The following SLC25A48 variants were observed in gnomAD, a reference collection of about 807,000 sequenced individuals.
SLC25A48 encodes CTC-321K16.1.
SLC25A48 carries 29 observed loss-of-function variants against 32.2 expected under a neutral mutation model. The ratio of observed to expected loss-of-function variants is 0.90; its 90% CI spans 0.67 to 1.23. The LOEUF (loss-of-function observed/expected upper bound fraction) is 1.23, where lower values mean the gene tolerates loss of function less well. Ranked by LOEUF, SLC25A48 falls within the 50% of genes most tolerant of loss-of-function variation. The pLI, the probability that SLC25A48 is intolerant of heterozygous loss-of-function variation, is 0.00. For missense variants in SLC25A48, 399 were observed against 422.7 expected (o/e 0.94, Z 0.49); for synonymous variants, 164 against 172.3 (o/e 0.95, Z 0.38).
chr5:135,866,444 T>G (rs1761209617), intron 4 of SLC25A48, among the ~76,000 whole-genome samples: 1 of 152,256 alleles, frequency 6.6e-6, no homozygotes, highest in Admixed American at 6.5e-5. Flanking sequence ...TTTCTGTGGC[T>G]GGGTCCCTGG....
intron 3 of SLC25A48, among the ~76,000 whole-genome samples, chr5:135,692,756 G>A (rs1754176539): frequency 6.6e-6 from 1 of 152,146 alleles, no homozygotes; most frequent in Non-Finnish European, 1.5e-5. Flanking sequence ...AGCCATCCAT[G>A]GTGATGCTGT....
intron 3 of SLC25A48, 47 bp downstream of exon 3, chr5:135,850,543 C>T (rs750075024): frequency 5.0e-6 from 8 of 1,593,140 alleles, no homozygotes; most frequent in East Asian, 2.2e-5. Flanking sequence ...TGGGCCCCCA[C>T]AGGCTGGGGA....
At chr5:135,808,116 A>G (rs1162380254) in intron 3 of SLC25A48, among the ~76,000 whole-genome samples, 1 of 151,042 alleles carries the variant, frequency 6.6e-6, no homozygotes, top group Non-Finnish European at 1.5e-5. Flanking sequence ...TTAATATCAC[A>G]GTGTGTTAAA....
intron 3 of SLC25A48, among the ~76,000 whole-genome samples, chr5:135,799,142 C>T (rs1757259132): frequency 6.6e-6 from 1 of 151,714 alleles, no homozygotes; most frequent in African/African-American, 2.4e-5. Flanking sequence ...CTCCCAATAT[C>T]GCAGGGGATG....
chr5:135,884,675 T>C (rs778695157), intron 7 of SLC25A48, among the ~76,000 whole-genome samples: 1 of 152,148 alleles, frequency 6.6e-6, no homozygotes, highest in Non-Finnish European at 1.5e-5. Flanking sequence ...ACCTGGTTCA[T>C]CCCTGGGTAG....
intron 2 of SLC25A48, among the ~76,000 whole-genome samples, chr5:135,630,865 G>A (rs1752549245): frequency 6.6e-6 from 1 of 152,036 alleles, no homozygotes; most frequent in South Asian, 2.1e-4. Context: ...GCCTCCCAAA[G>A]GGCTGGGATT....
intron 1 of SLC25A48, among the ~76,000 whole-genome samples, chr5:135,590,073 A>G (rs542988977): frequency 9.2e-5 from 14 of 152,286 alleles, no homozygotes; most frequent in Non-Finnish European, 1.8e-4. Context: ...TTTTGGAGGC[A>G]GAGAAAAGCA....
intron 3 of SLC25A48, among the ~76,000 whole-genome samples, chr5:135,674,301 G>A (rs1753721171): frequency 6.6e-6 from 1 of 151,804 alleles, no homozygotes; most frequent in Non-Finnish European, 1.5e-5. Context: ...CTCTCTTCTA[G>A]CTATTTTGAA....
rs4401569 is a variant in SLC25A48 at position 135,626,727 on chromosome 5, A to G, written c.-848-2510A>G. Among the ~76,000 whole-genome samples the G allele has an allele frequency of 6.0e-3, 912 of 152,270 alleles. 9 individuals are homozygous for G. Among genetic ancestry groups the G allele is most frequent in the African/African-American group, 0.021 (860 of 41,538 alleles). On this transcript the variant is annotated intron_variant, in intron 1 of 10. Transcript: ENST00000646290. ...CAAGTTCTGAAAGTTCAGGTCGACT[A>G]TATCATCCTGAGAGAGCTGGCTTTA...
chr5:135,683,771 G>T (rs1390934769), intron 3 of SLC25A48, among the ~76,000 whole-genome samples: 1 of 152,126 alleles, frequency 6.6e-6, no homozygotes, highest in African/African-American at 2.4e-5. Flanking sequence ...AGCACTTGAG[G>T]TTCCCGGACT....
Position 135,834,702 on chromosome 5 carries a change from C to A in SLC25A48, c.-146C>A. ...GCGCGGCAGCCCGCGCAGCCGGTGA[C>A]TGGGGGACTGGGTTTGGAGTAGGAC... On this transcript the variant is annotated 5_prime_UTR_variant, in exon 1 of 8. The change creates a new upstream start codon in the 5' untranslated region. Coordinates refer to ENST00000681962, the MANE Select transcript of SLC25A48 (RefSeq NM_001349336.2). The A allele has an allele frequency of 2.3e-6, 2 of 868,832 alleles. No individual in the cohort carries two copies. The highest frequency in any genetic ancestry group is 3.5e-6 in the Non-Finnish European group (2 of 579,612). 53.8% of individuals were successfully genotyped at this position (868,832 alleles called of 1,614,324 possible).
intron 2 of SLC25A48, among the ~76,000 whole-genome samples, 175 bp downstream of exon 2, chr5:135,842,634 C>T (rs918127822): frequency 6.6e-6 from 1 of 152,158 alleles, no homozygotes; most frequent in Admixed American, 6.5e-5. Flanking sequence ...TCAGAACCCT[C>T]AGAGGTCCAG....
chr5:135,705,082 C>A (rs1391216039), intron 3 of SLC25A48, among the ~76,000 whole-genome samples: 2 of 152,196 alleles, frequency 1.3e-5, no homozygotes, highest in African/African-American at 4.8e-5. Flanking sequence ...TCTCTTGGGT[C>A]CTGACTCTTG....
At chr5:135,819,208 AT>A (rs1430597815) in intron 4 of SLC25A48, among the ~76,000 whole-genome samples, 2 of 152,190 alleles carry the variant, frequency 1.3e-5, no homozygotes, top group African/African-American at 4.8e-5. Context: ...GTGGTGAAAA[AT>A]GTAAATCAAT....
At chr5:135,801,428 GT>G (rs1371332104) in intron 3 of SLC25A48, among the ~76,000 whole-genome samples, 2 of 150,726 alleles carry the variant, frequency 1.3e-5, no homozygotes, top group Non-Finnish European at 3.0e-5. Flanking sequence ...ACGTCTGCTT[GT>G]GATATTGTTG....
chr5:135,879,994 C>T lies in SLC25A48; in HGVS notation c.840C>T (p.Asn280=), dbSNP rs751553938. 34 of 1,536,306 alleles carry T rather than the reference C, an allele frequency of 2.2e-5. No individual in the cohort carries two copies. The highest frequency in any genetic ancestry group is 7.3e-5 in the East Asian group (3 of 40,916). ...TGTTTTTCAGAGGCATCACTGTGAA[C>T]GCGGTGCGGGGCTTCCCCATGAGTG... ...LKVFFRGITV[N]AVRGFPMSAA... is the part of the protein sequence containing the mutation. Residue 280 remains asparagine, a synonymous_variant, in exon 7 of 8, where the codon AAC becomes AAT. Transcript: ENST00000681962.
chr5:135,765,636 G>GA (rs1481505196), intron 3 of SLC25A48, among the ~76,000 whole-genome samples: 1 of 150,384 alleles, frequency 6.6e-6, no homozygotes, highest in African/African-American at 2.5e-5. Flanking sequence ...ATCTCGGTGG[G>GA]AAAAAATGAT....
At chr5:135,697,497 C>CT (rs1754295928) in intron 3 of SLC25A48, among the ~76,000 whole-genome samples, 1 of 152,190 alleles carries the variant, frequency 6.6e-6, no homozygotes, top group Admixed American at 6.5e-5. Context: ...CATCTTTTCC[C>CT]TTTTTGAGGA....
chr5:135,843,422 T>C (rs894338253), intron 2 of SLC25A48, among the ~76,000 whole-genome samples: 4 of 152,210 alleles, frequency 2.6e-5, no homozygotes, highest in African/African-American at 9.6e-5. Context: ...TGGGCTGACC[T>C]AGGCTTTGAG....
Sources: gnomAD v4.1 joint callset for allele counts (sites outside exome capture counted in the v4.1 genomes callset) on GRCh38, gnomAD v4.1.1 for gene constraint, MANE v1.5 for transcripts, NCBI Gene and HGNC (gene_info 2026-07-23, HGNC 2026-07-21) for gene names.